The following PCDHA7 variants were observed in gnomAD, a reference collection of about 807,000 sequenced individuals.
PCDHA7 encodes the protein protocadherin alpha-7.
In PCDHA7, 37 loss-of-function variants were observed where a neutral mutation model predicts 57.2. That is an observed-to-expected ratio of 0.65 (90% CI 0.50 to 0.85). PCDHA7 has a LOEUF of 0.85. Ranked by LOEUF, PCDHA7 falls within the 40% of genes least tolerant of loss-of-function variation. PCDHA7 has a pLI of 0.00. For synonymous variants in PCDHA7, 553 were observed against 558.8 expected (o/e 0.99, Z 0.15); for missense variants, 1,188 against 1,241.8 (o/e 0.96, Z 0.65).
At chr5:140,882,492 T>C (rs782572325) in intron 1 of PCDHA7, 1 of 1,614,090 alleles carries the variant, frequency 6.2e-7, no homozygotes, top group South Asian at 1.1e-5. Flanking sequence ...GGGGACCTTC[T>C]GGAGGTAAAT....
intron 1 of PCDHA7, among the ~76,000 whole-genome samples, chr5:140,840,474 T>C (rs2150307234): frequency 6.6e-6 from 1 of 151,908 alleles, no homozygotes; most frequent in African/African-American, 2.4e-5. Flanking sequence ...GGGAAAAAAG[T>C]TTAAAGGCAT....
intron 3 of PCDHA7, among the ~76,000 whole-genome samples, chr5:140,997,397 A>G (rs782082443): frequency 4.6e-5 from 7 of 152,194 alleles, no homozygotes; most frequent in African/African-American, 7.2e-5. Flanking sequence ...CTTAGGCTCT[A>G]TCGTATGGCC....
At chr5:140,876,577 A>T in intron 1 of PCDHA7, 2 of 1,614,182 alleles carry the variant, frequency 1.2e-6, no homozygotes, top group Non-Finnish European at 1.7e-6. Flanking sequence ...GGGTACCGTC[A>T]TTGCCCTGAT....
intron 1 of PCDHA7, chr5:140,883,169 G>C (rs1554177001): frequency 6.2e-7 from 1 of 1,613,950 alleles, no homozygotes; most frequent in Admixed American, 1.7e-5. Flanking sequence ...GAACAATGGA[G>C]AAATTAGGAC....
At chr5:140,920,565 G>A (rs1225212458) in intron 1 of PCDHA7, among the ~76,000 whole-genome samples, 27 of 152,152 alleles carry the variant, frequency 1.8e-4, no homozygotes, top group Admixed American at 1.6e-3. Context: ...TGGCCCTTAG[G>A]CCAGGAGCAG....
chr5:140,998,910 A>T (rs1346967203), intron 3 of PCDHA7, among the ~76,000 whole-genome samples: 1 of 152,230 alleles, frequency 6.6e-6, no homozygotes, highest in South Asian at 2.1e-4. Context: ...TCCGGGAGGT[A>T]GCTATTATAT....
At chr5:141,007,677 T>C (rs2098339934) in intron 3 of PCDHA7, among the ~76,000 whole-genome samples, 1 of 152,158 alleles carries the variant, frequency 6.6e-6, no homozygotes, top group South Asian at 2.1e-4. Flanking sequence ...AGACAAAAGT[T>C]ATCCTACTTC....
At chr5:140,904,859 T>C (rs1294164011) in intron 1 of PCDHA7, among the ~76,000 whole-genome samples, 8 of 152,242 alleles carry the variant, frequency 5.3e-5, no homozygotes, top group Non-Finnish European at 1.2e-4. Flanking sequence ...GAGAATTGTC[T>C]GTTTATGTCC....
chr5:141,000,776 G>A (rs1455881211), intron 3 of PCDHA7, among the ~76,000 whole-genome samples: 1 of 151,562 alleles, frequency 6.6e-6, no homozygotes, highest in Non-Finnish European at 1.5e-5. Context: ...GCATAGTGGC[G>A]CACACCTGTA....
At chr5:140,877,317 G>T (rs535177109) in intron 1 of PCDHA7, 2 of 1,614,004 alleles carry the variant, frequency 1.2e-6, no homozygotes, top group South Asian at 1.1e-5. Context: ...AACCGGCGGC[G>T]GTCGGCGCGC....
rs2150267868 is a variant in PCDHA7 at position 140,836,687 on chromosome 5, C to A, written c.2304C>A (p.Asp768Glu). The change falls in exon 1 of 4, where the codon GAC (aspartate) becomes GAA (glutamate). Residue 768 changes from aspartate to glutamate, a missense_variant. Physicochemically the swap from Asp to Glu is conservative, Grantham distance 45 (BLOSUM62 2). Around this residue, in one of 3 missense-constraint regions of PCDHA7, gnomAD observed 892 missense variants for 788.5 expected, o/e 1.13. Coordinates refer to ENST00000525929, the MANE Select transcript of PCDHA7 (RefSeq NM_018910.3). ...VCSGEGPPKT[D>E]LMAFSPSLPQ... ...CTGGGGAGGGCCCACCCAAGACAGA[C>A]CTCATGGCCTTCAGTCCCAGCCTTC... The A allele has an allele frequency of 1.2e-6, 2 of 1,613,458 alleles. No homozygotes were observed. Among genetic ancestry groups the A allele is most frequent in the Non-Finnish European group, 1.7e-6 (2 of 1,179,592 alleles).
rs782332920 is a variant in PCDHA7 at position 140,856,198 on chromosome 5, C to T, written c.2355+19460C>T. 1.9e-6 allele frequency: 3 copies of T among 1,597,984 alleles called. No homozygotes were observed. In the East Asian group the frequency reaches 6.7e-5, roughly 36 times the overall value. On this transcript the variant is annotated intron_variant, in intron 1 of 3. Transcript: ENST00000525929. ...CCTTCGTGGGCCGCATCGCGCAGGA[C>T]CTGGGGCTGGAGCTGGCGGAGCTGG...
At chr5:140,956,740 C>T in intron 1 of PCDHA7, among the ~76,000 whole-genome samples, 1 of 152,122 alleles carries the variant, frequency 6.6e-6, no homozygotes, top group East Asian at 1.9e-4. Context: ...CCTCTTTGTA[C>T]CTCTGATAGA....
chr5:140,931,579 A>G (rs1464146269), intron 1 of PCDHA7, among the ~76,000 whole-genome samples: 2 of 152,102 alleles, frequency 1.3e-5, no homozygotes, highest in Non-Finnish European at 2.9e-5. Flanking sequence ...CCATTCATTC[A>G]GTTGAACAGT....
chr5:140,841,872 CA>C, intron 1 of PCDHA7: 1 of 1,613,796 alleles, frequency 6.2e-7, no homozygotes, highest in Non-Finnish European at 8.5e-7. Context: ...GATGTGAATT[CA>C]AAGAACGATG....
At position 140,857,834 on chromosome 5, in the gene PCDHA7, G is replaced by A; in HGVS notation, c.2355+21096G>A. 1.9e-6 allele frequency: 3 copies of A among 1,597,844 alleles called. 1 individual carries two copies. The highest frequency in any genetic ancestry group is 1.7e-6 in the Non-Finnish European group (2 of 1,167,630). The stretch of plus-strand genomic sequence containing the variant: ...TCACGTGGTGGCTAAGGTGCGCGCA[G>A]TGGACGCTGACTCTGGATACAACGC... On this transcript the variant is annotated intron_variant, in intron 1 of 3. Transcript: ENST00000525929.
At chr5:140,913,243 G>T (rs1386908951) in intron 1 of PCDHA7, among the ~76,000 whole-genome samples, 1 of 152,112 alleles carries the variant, frequency 6.6e-6, no homozygotes, top group Non-Finnish European at 1.5e-5. Flanking sequence ...GAGACTTTTT[G>T]TTACAACTTT....
Position 140,848,639 on chromosome 5 carries a change from C to A in PCDHA7, c.2355+11901C>A, listed in dbSNP as rs2150415771. 38 of 1,593,274 alleles carry A rather than the reference C, an allele frequency of 2.4e-5. 3 individuals carry two copies. Among genetic ancestry groups the A allele is most frequent in the Non-Finnish European group, 3.1e-5 (36 of 1,163,894 alleles). On this transcript the variant is annotated intron_variant, in intron 1 of 3. Coordinates refer to ENST00000525929, the MANE Select transcript of PCDHA7 (RefSeq NM_018910.3). ...AACACGGCACCTTCGTGGGCCGCAT[C>A]GCGCAGGACCTGGGGCTGGAGCTGG... is the stretch of plus-strand genomic sequence containing the variant.
intron 1 of PCDHA7, among the ~76,000 whole-genome samples, chr5:140,924,043 G>C (rs2081638586): frequency 6.6e-6 from 1 of 152,176 alleles, no homozygotes; most frequent in Non-Finnish European, 1.5e-5. Flanking sequence ...AGACCTAAAA[G>C]TTCGGTACAT....
Sources: gnomAD v4.1 joint callset for allele counts (sites outside exome capture counted in the v4.1 genomes callset) on GRCh38, gnomAD v4.1.1 for gene constraint, gnomAD v4.1.1 regional missense constraint, MANE v1.5 for transcripts, NCBI Gene and HGNC (gene_info 2026-07-23, HGNC 2026-07-21) for gene names.